Variants in GRIP1 observed in about 807,000 individuals in gnomAD.
The protein encoded by GRIP1 is glutamate receptor interacting protein 1.
GRIP1 carries 45 observed loss-of-function variants against 129.9 expected under a neutral mutation model. The observed-to-expected ratio is 0.35, with a 90% CI of 0.27 to 0.44. The LOEUF is 0.44. Ranked by LOEUF, GRIP1 falls within the 20% of genes least tolerant of loss-of-function variation. The probability of loss-of-function intolerance (pLI) is 1.00; values close to 1 mark genes in which losing one functional copy is unlikely to be tolerated. For synonymous variants in GRIP1, 530 were observed against 520.8 expected, an observed-to-expected ratio of 1.02 and a Z score of -0.24; for missense variants, 1,196 against 1,396.8, an observed-to-expected ratio of 0.86 and a Z score of 2.29.
chr12:66,866,326 A>C, intron 1 of GRIP1, among the ~76,000 whole-genome samples: 1 of 152,064 alleles, frequency 6.6e-6, no homozygotes, highest in African/African-American at 2.4e-5. Context: ...ATAAAAAGTT[A>C]GCCAAGTGTA....
intron 1 of GRIP1, among the ~76,000 whole-genome samples, chr12:66,670,283 GA>G (rs1046786318): frequency 1.4e-4 from 21 of 152,186 alleles, no homozygotes; most frequent in African/African-American, 5.1e-4. Flanking sequence ...GAAAGGGAGA[GA>G]TCAGTTAGCC....
chr12:67,053,360 C>T (rs931353273), intron 1 of GRIP1, among the ~76,000 whole-genome samples: 12 of 152,268 alleles, frequency 7.9e-5, no homozygotes, highest in African/African-American at 2.9e-4. Context: ...TCATTTTATC[C>T]CATTTACTCA....
intron 1 of GRIP1, among the ~76,000 whole-genome samples, chr12:66,953,078 C>T (rs1024742526): frequency 6.6e-6 from 1 of 151,996 alleles, no homozygotes; most frequent in Non-Finnish European, 1.5e-5. Context: ...AGAAATTGTA[C>T]CATATATACA....
chr12:66,501,027 T>A (rs1006655952), intron 7 of GRIP1, among the ~76,000 whole-genome samples: 2 of 152,194 alleles, frequency 1.3e-5, no homozygotes, highest in Non-Finnish European at 2.9e-5. Flanking sequence ...GGGCAGTTTC[T>A]ATCACGGTTG....
At chr12:66,790,757 C>T (rs1314406791) in intron 1 of GRIP1, among the ~76,000 whole-genome samples, 2 of 151,948 alleles carry the variant, frequency 1.3e-5, no homozygotes, top group African/African-American at 4.8e-5. Flanking sequence ...AGGTAATGCA[C>T]CACCCAGAAG....
chr12:66,614,718 T>C (rs146030897), intron 1 of GRIP1, among the ~76,000 whole-genome samples: 42 of 152,286 alleles, frequency 2.8e-4, no homozygotes, highest in Non-Finnish European at 4.6e-4. Context: ...TACCTGACCA[T>C]GGTCTACAAG....
intron 15 of GRIP1, among the ~76,000 whole-genome samples, chr12:66,417,524 T>A (rs925026735): frequency 6.6e-6 from 1 of 152,128 alleles, no homozygotes; most frequent in Non-Finnish European, 1.5e-5. Flanking sequence ...GAAGACATGA[T>A]CTTATATTTG....
At chr12:66,418,597 A>G (rs1256446663) in intron 15 of GRIP1, among the ~76,000 whole-genome samples, 1 of 152,186 alleles carries the variant, frequency 6.6e-6, no homozygotes, top group African/African-American at 2.4e-5. Context: ...CTATAGGAAA[A>G]AACAATCTAG....
chr12:66,715,471 T>TGTGTGTGTGTGTGTGTGTGTGA (rs761155485), intron 1 of GRIP1, among the ~76,000 whole-genome samples: 14 of 110,136 alleles, frequency 1.3e-4, no homozygotes, highest in African/African-American at 1.4e-4. Flanking sequence ...TGTGTGTGTG[T>TGTGTGTGTGTGTGTGTGTGTGA]GAGAGAGAGA....
At chr12:66,783,966 A>G (rs1468225442) in intron 1 of GRIP1, among the ~76,000 whole-genome samples, 1 of 152,250 alleles carries the variant, frequency 6.6e-6, no homozygotes, top group Non-Finnish European at 1.5e-5. Flanking sequence ...CTTTCAATTC[A>G]TTCATATTGT....
At chr12:66,409,046 C>T (rs1290780613) in intron 15 of GRIP1, among the ~76,000 whole-genome samples, 2 of 152,108 alleles carry the variant, frequency 1.3e-5, no homozygotes, top group African/African-American at 2.4e-5. Flanking sequence ...GACTCTAGGA[C>T]CAGGCTCCTA....
rs796898208 is a variant in GRIP1 at position 66,630,347 on chromosome 12, G to GA, written c.56-33421dup. The GA allele has an allele frequency of 3.8e-3, 536 of 142,472 alleles. 1 individual carries two copies. The highest frequency in any genetic ancestry group is 7.0e-3 in the Admixed American group (100 of 14,252). 8.8% of individuals were successfully genotyped at this position (142,472 alleles called of 1,614,324 possible). A position where few individuals can be genotyped will look rare whatever the true frequency, so the allele number is the denominator to read the frequency against. ...CAACAGAGCGAGACTCTGTGTCAAG[G>GA]AAAAAAAAAAAAATCAGAATCCCTG... On this transcript the variant is annotated intron_variant, in intron 1 of 24. Coordinates refer to ENST00000359742, the MANE Select transcript of GRIP1 (RefSeq NM_001366722.1).
chr12:66,777,478 T>G (rs2038018972), intron 1 of GRIP1, among the ~76,000 whole-genome samples: 1 of 152,206 alleles, frequency 6.6e-6, no homozygotes, highest in Admixed American at 6.5e-5. Flanking sequence ...TTACTTTTTC[T>G]TTTTATTCAC....
intron 1 of GRIP1, among the ~76,000 whole-genome samples, chr12:66,989,507 T>A (rs1445591031): frequency 6.6e-6 from 1 of 152,220 alleles, no homozygotes; most frequent in Admixed American, 6.5e-5. Context: ...AAGACCCATC[T>A]GTTTGTGCCC....
At chr12:66,600,885 T>C (rs140301391) in intron 1 of GRIP1, among the ~76,000 whole-genome samples, 7 of 152,316 alleles carry the variant, frequency 4.6e-5, no homozygotes. Context: ...CAAGCAATCA[T>C]TAAGGGCATC....
chr12:66,824,890 T>C (rs754248516), intron 1 of GRIP1, among the ~76,000 whole-genome samples: 1 of 152,194 alleles, frequency 6.6e-6, no homozygotes, highest in Non-Finnish European at 1.5e-5. Flanking sequence ...CTTTACTTCA[T>C]GTTGGACTTT....
At chr12:66,482,249 C>A (rs2059826946) in intron 7 of GRIP1, among the ~76,000 whole-genome samples, 1 of 152,094 alleles carries the variant, frequency 6.6e-6, no homozygotes, top group Non-Finnish European at 1.5e-5. Flanking sequence ...ATAACTACAA[C>A]AATAACTGTC....
intron 1 of GRIP1, among the ~76,000 whole-genome samples, chr12:66,931,382 CAGA>C (rs1375178883): frequency 6.6e-6 from 1 of 152,082 alleles, no homozygotes; most frequent in African/African-American, 2.4e-5. Flanking sequence ...TTGGAATTAT[CAGA>C]AGAAGAATAA....
chr12:66,571,274 G>T (rs1016179875), intron 2 of GRIP1, among the ~76,000 whole-genome samples: 2 of 152,172 alleles, frequency 1.3e-5, no homozygotes, highest in African/African-American at 4.8e-5. Context: ...TAAACCACCT[G>T]CCAAACCCTC....
Sources: gnomAD v4.1 joint callset for allele counts (sites outside exome capture counted in the v4.1 genomes callset) on GRCh38, gnomAD v4.1.1 for gene constraint, MANE v1.5 for transcripts, NCBI Gene and HGNC (gene_info 2026-07-23, HGNC 2026-07-21) for gene names.